Variants in SLC24A3 observed in about 807,000 individuals in gnomAD.
The protein encoded by SLC24A3 is sodium/potassium/calcium exchanger 3.
In SLC24A3, 28 loss-of-function variants were observed where a neutral mutation model predicts 75.8. That is an observed-to-expected ratio of 0.37 (90% confidence interval 0.27 to 0.51). The LOEUF is 0.51. Among genes scored for constraint, SLC24A3 ranks in the 20% least tolerant of loss-of-function variants. The probability of loss-of-function intolerance (pLI) is 0.94; values close to 1 mark genes in which losing one functional copy is unlikely to be tolerated. For synonymous variants in SLC24A3, 372 were observed against 334.1 expected (o/e 1.11, Z -1.24); for missense variants, 663 against 847.8 (o/e 0.78, Z 2.71).
At chr20:19,227,470 G>T (rs138707059) in intron 1 of SLC24A3, among the ~76,000 whole-genome samples, 2 of 149,964 alleles carry the variant, frequency 1.3e-5, no homozygotes, top group Non-Finnish European at 3.0e-5. Flanking sequence ...TTTTTCATCC[G>T]CCTATTCTTA....
At chr20:19,654,779 C>G (rs1219436591) in intron 7 of SLC24A3, among the ~76,000 whole-genome samples, 1 of 150,172 alleles carries the variant, frequency 6.7e-6, no homozygotes, top group East Asian at 2.0e-4. Context: ...TGCCAAGTAT[C>G]TGGGACTACA....
At chr20:19,262,589 C>T (rs967182070) in intron 1 of SLC24A3, among the ~76,000 whole-genome samples, 1 of 152,006 alleles carries the variant, frequency 6.6e-6, no homozygotes, top group South Asian at 2.1e-4. Flanking sequence ...ATGCTGATTC[C>T]CCCAATTGTG....
At chr20:19,701,111 T>C (rs1479495557) in intron 15 of SLC24A3, among the ~76,000 whole-genome samples, 1 of 152,206 alleles carries the variant, frequency 6.6e-6, no homozygotes, top group East Asian at 1.9e-4. Context: ...CCATGAGGGC[T>C]GACATTGAGC....
chr20:19,366,612 A>C (rs1985895658), intron 2 of SLC24A3, among the ~76,000 whole-genome samples: 1 of 152,064 alleles, frequency 6.6e-6, no homozygotes, highest in South Asian at 2.1e-4. Flanking sequence ...GCCTCCTACA[A>C]CCATGCATCT....
chr20:19,303,076 G>C (rs143546685), intron 2 of SLC24A3, among the ~76,000 whole-genome samples: 3 of 151,796 alleles, frequency 2.0e-5, no homozygotes, highest in African/African-American at 7.3e-5. Context: ...ACTGCATGTC[G>C]TGGGGGTTTT....
intron 3 of SLC24A3, among the ~76,000 whole-genome samples, chr20:19,569,506 AC>A (rs1041960291): frequency 2.0e-5 from 3 of 151,424 alleles, no homozygotes; most frequent in Non-Finnish European, 4.4e-5. Flanking sequence ...CTCTGCTCCA[AC>A]CCCTCTCCCA....
intron 2 of SLC24A3, among the ~76,000 whole-genome samples, chr20:19,434,968 C>A (rs1191219355): frequency 6.6e-6 from 1 of 152,048 alleles, no homozygotes; most frequent in Non-Finnish European, 1.5e-5. Context: ...TCAAAAAATT[C>A]AAAAAATTCA....
At chr20:19,441,688 C>T (rs1987301668) in intron 2 of SLC24A3, among the ~76,000 whole-genome samples, 1 of 152,102 alleles carries the variant, frequency 6.6e-6, no homozygotes, top group Admixed American at 6.5e-5. Context: ...ATTATTAACT[C>T]AACTTTATAG....
At chr20:19,544,064 A>G (rs375023881) in intron 3 of SLC24A3, among the ~76,000 whole-genome samples, 33 of 152,356 alleles carry the variant, frequency 2.2e-4, no homozygotes, top group African/African-American at 7.5e-4. Flanking sequence ...TACTGCAGTC[A>G]TACTTCATTT....
At chr20:19,477,162 A>G (rs557705294) in intron 2 of SLC24A3, among the ~76,000 whole-genome samples, 2 of 152,140 alleles carry the variant, frequency 1.3e-5, no homozygotes, top group South Asian at 2.1e-4. Context: ...TTTATAATGG[A>G]TCCAGCAGGT....
intron 1 of SLC24A3, among the ~76,000 whole-genome samples, chr20:19,237,654 G>A (rs184923823): frequency 4.6e-5 from 7 of 152,230 alleles, no homozygotes; most frequent in South Asian, 2.1e-4. Flanking sequence ...CTTCTCCTGC[G>A]TCGTCATTGA....
intron 3 of SLC24A3, among the ~76,000 whole-genome samples, chr20:19,543,712 C>T (rs757931804): frequency 9.2e-5 from 14 of 152,176 alleles, no homozygotes; most frequent in Non-Finnish European, 4.4e-5. Context: ...ATGCTTTGTG[C>T]GTAGCCAACC....
At chr20:19,651,625 C>T (rs776455316) in intron 6 of SLC24A3, among the ~76,000 whole-genome samples, 7 of 151,858 alleles carry the variant, frequency 4.6e-5, no homozygotes, top group South Asian at 4.2e-4. Flanking sequence ...TTTGGGAGGC[C>T]GAGGCAGGTG....
At chr20:19,321,625 C>T (rs1188460303) in intron 2 of SLC24A3, among the ~76,000 whole-genome samples, 1 of 152,172 alleles carries the variant, frequency 6.6e-6, no homozygotes, top group East Asian at 1.9e-4. Context: ...GTCTCTAAGA[C>T]ACTTGTTACA....
At chr20:19,487,406 A>T (rs1049364457) in intron 2 of SLC24A3, among the ~76,000 whole-genome samples, 1 of 152,204 alleles carries the variant, frequency 6.6e-6, no homozygotes, top group South Asian at 2.1e-4. Flanking sequence ...CCTGTACCTT[A>T]ACTAAATCTG....
intron 2 of SLC24A3, among the ~76,000 whole-genome samples, chr20:19,475,168 C>A (rs1987941880): frequency 6.6e-6 from 1 of 152,128 alleles, no homozygotes; most frequent in Admixed American, 6.6e-5. Flanking sequence ...GAAACCCCAT[C>A]TTTACTAAAA....
At chr20:19,415,693 C>T (rs1986816088) in intron 2 of SLC24A3, among the ~76,000 whole-genome samples, 2 of 151,334 alleles carry the variant, frequency 1.3e-5, no homozygotes, top group South Asian at 4.2e-4. Context: ...TTTCGGCTTT[C>T]TCTTAGGGTG....
intron 6 of SLC24A3, among the ~76,000 whole-genome samples, chr20:19,613,548 A>G (rs1458893462): frequency 2.0e-5 from 3 of 152,210 alleles, no homozygotes; most frequent in Admixed American, 2.0e-4. Flanking sequence ...AACAAAATAC[A>G]TCTATTCCCC....
chr20:19,600,776 A>T (rs2031517801), intron 6 of SLC24A3, among the ~76,000 whole-genome samples: 1 of 152,164 alleles, frequency 6.6e-6, no homozygotes, highest in South Asian at 2.1e-4. Flanking sequence ...CTCCCACCTC[A>T]GCCTCCTGAG....
Sources: allele counts gnomAD v4.1 joint callset (sites outside exome capture counted in the v4.1 genomes callset), GRCh38; gene constraint gnomAD v4.1.1; transcripts MANE v1.5; gene names NCBI Gene and HGNC (gene_info 2026-07-23, HGNC 2026-07-21).